ADGRG4: variants seen among roughly 807,000 people sequenced by gnomAD.
ADGRG4 encodes the protein adhesion G protein-coupled receptor G4, also known as G protein-coupled receptor 112.
Under a neutral mutation model 126.2 loss-of-function variants are expected in ADGRG4, and 122 were observed. The ratio of observed to expected loss-of-function variants is 0.97; its 90% CI spans 0.83 to 1.12. The LOEUF (loss-of-function observed/expected upper bound fraction) is 1.12, where lower values mean the gene tolerates loss of function less well. ADGRG4 is among the 50% of genes most tolerant of loss of function. The pLI is 0.00. For missense variants in ADGRG4, 2,481 were observed against 2,251.8 expected, an observed-to-expected ratio of 1.10 and a Z score of -2.06; for synonymous variants, 943 against 838.7, an observed-to-expected ratio of 1.12 and a Z score of -2.15.
chrX:136,381,583 T>C (rs1214750866), intron 15 of ADGRG4, among the ~76,000 whole-genome samples: 3 of 111,622 alleles, frequency 2.7e-5, no homozygotes, highest in Admixed American at 9.6e-5. Flanking sequence ...TCACAGAATA[T>C]ACTTAGTATA....
In ADGRG4 at chrX:136,349,232, T is replaced by C. The variant is rs1449880055; in HGVS notation, c.5526T>C (p.Ser1842=). Residue 1842 remains serine, a synonymous_variant, in exon 6 of 26, where the codon AGT becomes AGC. Coordinates refer to ENST00000394143, the MANE Select transcript of ADGRG4 (RefSeq NM_153834.4). ...SLTSFVYSPH[S]TEAEISTPKT... Reference sequence around the variant, plus strand: ...CATCATTTGTTTATTCACCTCATAGTACTGAAGCTGAGATCTCTACTCCAA... The same window carrying C: ...CATCATTTGTTTATTCACCTCATAGCACTGAAGCTGAGATCTCTACTCCAA... 1.7e-6 allele frequency: 2 copies of C among 1,205,451 alleles called. No homozygotes were observed. Among genetic ancestry groups the C allele is most frequent in the East Asian group, 5.9e-5 (2 of 33,784 alleles).
At chrX:136,359,795 A>T (rs1472786222) in intron 11 of ADGRG4, among the ~76,000 whole-genome samples, 1 of 111,630 alleles carries the variant, frequency 9.0e-6, no homozygotes, top group Admixed American at 9.6e-5. Flanking sequence ...CCTAATAGAT[A>T]CTTGCTAATT....
Position 136,387,735 on chromosome X carries a change from G to A in ADGRG4, c.7777-5G>A, listed in dbSNP as rs749237115. ...CAATTTTCATTTTTTGGCTTTTCTTGGCAGATTTTCCTAGGCAATGTCCCT... is the reference window on the plus strand; with the variant it reads ...CAATTTTCATTTTTTGGCTTTTCTTAGCAGATTTTCCTAGGCAATGTCCCT... On this transcript the variant is annotated splice_polypyrimidine_tract_variant and splice_region_variant and intron_variant, in intron 15 of 25. Transcript: ENST00000394143. 1 of 1,201,446 alleles carries A rather than the reference G, an allele frequency of 8.3e-7. No homozygotes were observed. Among genetic ancestry groups the A allele is most frequent in the Non-Finnish European group, 1.1e-6 (1 of 891,745 alleles).
chrX:136,302,192 A>G (rs772887360), intron 1 of ADGRG4, among the ~76,000 whole-genome samples: 69 of 111,832 alleles, frequency 6.2e-4, no homozygotes, highest in Non-Finnish European at 9.8e-4. Context: ...CATTTTCACA[A>G]TATTGATTCT....
rs749693269 is a variant in ADGRG4, at chrX:136,350,410, C to T, written c.6704C>T (p.Ser2235Leu). Residue 2235 changes from serine (S) to leucine (L), a missense_variant, in exon 6 of 26, where the codon TCG becomes TTG. Transcript: ENST00000394143. ...TTTCTATCTACGGAAGCATCGACTT[C>T]GCCTACTGCCACCAAGTCCACAGGT... Reference protein sequence around the residue: ...PSFLSTEASTSPTATKSTVSF... With the variant: ...PSFLSTEASTLPTATKSTVSF... 2.5e-5 allele frequency: 30 copies of T among 1,204,410 alleles called. No individual in the cohort carries two copies. Among genetic ancestry groups the T allele is most frequent in the East Asian group, 1.5e-4 (5 of 33,735 alleles).
At chrX:136,303,481 C>T (rs763557301) in intron 1 of ADGRG4, among the ~76,000 whole-genome samples, 46 of 107,334 alleles carry the variant, frequency 4.3e-4, no homozygotes, top group African/African-American at 1.5e-3. Context: ...GACAGACAGA[C>T]AGAAAGAAAG....
Position 136,308,837 on chromosome X carries a change from C to G in ADGRG4, c.60C>G (p.Ile20Met). ...GATTGATTCTCATGTCGAGTTTTATCTTTCTCTCAGGTAAGAAAATGTATT... is the reference window on the plus strand; with the variant it reads ...GATTGATTCTCATGTCGAGTTTTATGTTTCTCTCAGGTAAGAAAATGTATT... ...LYGLILMSSFIFLSDTLSLKG... is the reference protein window; with the variant it reads ...LYGLILMSSFMFLSDTLSLKG... Residue 20 changes from isoleucine (I) to methionine (M), a missense_variant, in exon 4 of 26, where the codon ATC becomes ATG. By Grantham distance (10) the Ile-to-Met change is conservative. Coordinates refer to ENST00000394143, the MANE Select transcript of ADGRG4 (RefSeq NM_153834.4). 3 of 1,104,258 alleles carry G rather than the reference C, an allele frequency of 2.7e-6. No individual in the cohort carries two copies. The highest frequency in any genetic ancestry group is 3.8e-6 in the Non-Finnish European group (3 of 798,237). The allele number at this position is 1,104,258 out of a possible 1,213,427, so 91.0% of individuals were successfully genotyped here. A position where few individuals can be genotyped will look rare whatever the true frequency, so the allele number is the denominator to read the frequency against.
At chrX:136,342,458 A>T (rs1357158951) in intron 5 of ADGRG4, among the ~76,000 whole-genome samples, 1 of 111,975 alleles carries the variant, frequency 8.9e-6, no homozygotes, top group East Asian at 2.8e-4. Flanking sequence ...TAAAAATCAC[A>T]TGCAAACAAA....
chrX:136,310,189 C>T (rs1205685324), intron 4 of ADGRG4, among the ~76,000 whole-genome samples: 1 of 110,097 alleles, frequency 9.1e-6, no homozygotes, highest in Non-Finnish European at 1.9e-5. Flanking sequence ...ACTCTGTTGC[C>T]CAGGCTGGAG....
At position 136,400,133 on chromosome X, in the gene ADGRG4, T is replaced by C. The variant is rs150736758; in HGVS notation, c.8575+17T>C. The C allele has an allele frequency of 4.7e-3, 5,191 of 1,109,041 alleles. 136 individuals carry two copies. In the African/African-American group the frequency reaches 0.082, roughly 17 times the overall value. 91.4% of individuals were successfully genotyped at this position (1,109,041 alleles called of 1,213,427 possible). ...TTGGTTGGGGTAAGTATATCTGCCA[T>C]TGTTTTTGATATTTATGTCTTAAGT... is the stretch of plus-strand genomic sequence containing the variant. On this transcript the variant is annotated intron_variant, in intron 21 of 25. Transcript: ENST00000394143.
At position 136,346,734 on chromosome X, in the gene ADGRG4, C is replaced by G; in HGVS notation, c.3028C>G (p.Pro1010Ala). ...TAAHSSATPV[P>A]VTHMFSLPVN... Reference sequence around the variant, plus strand: ...TGCTCATTCCTCAGCAACCCCTGTGCCTGTTACTCATATGTTCTCATTGCC... The same window carrying G: ...TGCTCATTCCTCAGCAACCCCTGTGGCTGTTACTCATATGTTCTCATTGCC... Residue 1010 changes from proline to alanine, a missense_variant, in exon 6 of 26, where the codon CCT (proline) becomes GCT (alanine). Transcript: ENST00000394143. 1 of 1,210,255 alleles carries G rather than the reference C, an allele frequency of 8.3e-7. No homozygotes were observed. Among genetic ancestry groups the G allele is most frequent in the Non-Finnish European group, 1.1e-6 (1 of 894,393 alleles).
chrX:136,365,202 T>C (rs1009974682), intron 13 of ADGRG4, among the ~76,000 whole-genome samples: 32 of 111,828 alleles, frequency 2.9e-4, no homozygotes, highest in African/African-American at 1.0e-3. Flanking sequence ...GCATATTCAC[T>C]AGATTGTGCA....
intron 13 of ADGRG4, among the ~76,000 whole-genome samples, chrX:136,367,198 C>T (rs1391130024): frequency 8.9e-6 from 1 of 112,171 alleles, no homozygotes; most frequent in African/African-American, 3.2e-5. Context: ...CAGTGCCTCG[C>T]AGAAGGGCCA....
chrX:136,413,238 C>T (rs1382358377), intron 24 of ADGRG4, among the ~76,000 whole-genome samples: 1 of 101,312 alleles, frequency 9.9e-6, no homozygotes, highest in Non-Finnish European at 2.0e-5. Context: ...TCCCTCCCCC[C>T]TCCCCGCACC....
In ADGRG4 at chrX:136,323,145, G is replaced by C. The variant is rs984229570; in HGVS notation, c.438G>C (p.Thr146=). 1 of 1,209,742 alleles carries C rather than the reference G, an allele frequency of 8.3e-7. No homozygotes were observed. Among genetic ancestry groups the C allele is most frequent in the African/African-American group, 1.8e-5 (1 of 57,082 alleles). ...FLNKERILEV[T]DQPHNLTPHG... ...ATAAAGAAAGGATACTGGAAGTAAC[G>C]GATCAACCACACAACCTGACACCTC... The change falls in exon 5 of 26, where the codon ACG becomes ACC. Residue 146 remains threonine, a synonymous_variant. Coordinates refer to ENST00000394143, the MANE Select transcript of ADGRG4 (RefSeq NM_153834.4).
At position 136,349,851 on chromosome X, in the gene ADGRG4, T is replaced by C; in HGVS notation, c.6145T>C (p.Ser2049Pro). Residue 2049 changes from serine (S) to proline (P), a missense_variant, in exon 6 of 26, where the codon TCA becomes CCA. Coordinates refer to ENST00000394143, the MANE Select transcript of ADGRG4 (RefSeq NM_153834.4). ...KSTFLTSDMI[S>P]AHPFTNLTTL... Reference sequence around the variant, plus strand: ...AACATTTCTGACATCTGACATGATATCAGCGCACCCATTCACTAACTTGAC... The same window carrying C: ...AACATTTCTGACATCTGACATGATACCAGCGCACCCATTCACTAACTTGAC... 3 of 1,210,234 alleles carry C rather than the reference T, an allele frequency of 2.5e-6. No homozygotes were observed. The highest frequency in any genetic ancestry group is 3.5e-5 in the African/African-American group (2 of 57,658).
At chrX:136,336,100 A>T (rs1004434226) in intron 5 of ADGRG4, among the ~76,000 whole-genome samples, 17 of 111,454 alleles carry the variant, frequency 1.5e-4, no homozygotes, top group East Asian at 1.1e-3. Flanking sequence ...AATGTTTTAA[A>T]TTTTTTTTGT....
chrX:136,320,778 G>C (rs375401787), intron 4 of ADGRG4, among the ~76,000 whole-genome samples: 1 of 110,414 alleles, frequency 9.1e-6, no homozygotes, highest in Admixed American at 9.7e-5. Context: ...AATTTGCCAG[G>C]CATGGTGGCA....
At chrX:136,332,279 G>C (rs2074916957) in intron 5 of ADGRG4, among the ~76,000 whole-genome samples, 1 of 106,166 alleles carries the variant, frequency 9.4e-6, no homozygotes, top group Non-Finnish European at 1.9e-5. Context: ...TCTTGCGATA[G>C]TTTACTGAGA....
Sources: allele counts gnomAD v4.1 joint callset (sites outside exome capture counted in the v4.1 genomes callset), GRCh38; gene constraint gnomAD v4.1.1; transcripts MANE v1.5; gene names NCBI Gene and HGNC (gene_info 2026-07-23, HGNC 2026-07-21).